ADGRL3: variants seen among roughly 807,000 people sequenced by gnomAD.
ADGRL3 encodes adhesion G protein-coupled receptor L3.
A neutral mutation model predicts 153.5 loss-of-function variants in ADGRL3; 62 were observed. The observed-to-expected ratio is 0.40, with a 90% CI of 0.33 to 0.50. ADGRL3 has a LOEUF of 0.50. Among genes scored for constraint, ADGRL3 ranks in the 20% least tolerant of loss-of-function variants. The probability of loss-of-function intolerance (pLI) is 0.47; values close to 1 mark genes in which losing one functional copy is unlikely to be tolerated. For missense variants in ADGRL3, 1,641 were observed against 1,859.4 expected, an observed-to-expected ratio of 0.88 and a Z score of 2.16; for synonymous variants, 710 against 672.5, an observed-to-expected ratio of 1.06 and a Z score of -0.86.
At chr4:61,297,870 A>T (rs1010861075) in intron 1 of ADGRL3, among the ~76,000 whole-genome samples, 5 of 152,110 alleles carry the variant, frequency 3.3e-5, no homozygotes, top group Non-Finnish European at 4.4e-5. Flanking sequence ...TGCCACTGCT[A>T]CTACTACTGA....
In ADGRL3 at chr4:61,480,258, C is replaced by T. The variant is rs916698112; in HGVS notation, c.-173-16863C>T. On this transcript the variant is annotated intron_variant, in intron 2 of 26. Coordinates refer to ENST00000683033, the MANE Select transcript of ADGRL3 (RefSeq NM_001387552.1). ...CTATAAGTTTGACTATTTTACATTC[C>T]AAATATAAGTGAGGTCATTCAATAT... Among the ~76,000 whole-genome samples, 2 of 152,088 alleles carry T rather than the reference C, an allele frequency of 1.3e-5. 1 individual carries two copies. The highest frequency in any genetic ancestry group is 2.9e-5 in the Non-Finnish European group (2 of 68,018).
At chr4:61,703,356 C>T (rs2095801506) in intron 6 of ADGRL3, among the ~76,000 whole-genome samples, 1 of 151,988 alleles carries the variant, frequency 6.6e-6, no homozygotes, top group Non-Finnish European at 1.5e-5. Context: ...TACAATCCTC[C>T]TGTGAAAGTG....
intron 4 of ADGRL3, among the ~76,000 whole-genome samples, chr4:61,567,498 G>A (rs141077557): frequency 2.6e-5 from 4 of 152,228 alleles, no homozygotes; most frequent in East Asian, 3.9e-4. Context: ...ACCACGTGAG[G>A]TCACAGCTAG....
intron 2 of ADGRL3, among the ~76,000 whole-genome samples, chr4:61,476,405 T>TTC (rs2098053867): frequency 6.6e-6 from 1 of 151,944 alleles, no homozygotes; most frequent in Admixed American, 6.5e-5. Context: ...TTTTGTAGTT[T>TTC]TAGAAAAGAC....
intron 5 of ADGRL3, among the ~76,000 whole-genome samples, chr4:61,676,482 G>A (rs577347723): frequency 3.3e-4 from 50 of 151,644 alleles, no homozygotes; most frequent in African/African-American, 1.2e-3. Context: ...TTGTACTGGA[G>A]TGAGTCTTTC....
chr4:61,820,189 GT>G (rs1205666264), intron 9 of ADGRL3, among the ~76,000 whole-genome samples: 2 of 152,276 alleles, frequency 1.3e-5, no homozygotes, highest in Non-Finnish European at 2.9e-5. Context: ...TGAATAAAAT[GT>G]TGTACTCTCT....
chr4:61,935,951 A>G lies in ADGRL3; in HGVS notation c.2325A>G (p.Glu775=), dbSNP rs1474764891. ...TGGAAGTTGCAAGACTGAGCACAGA[A>G]GGAAACTTAGAAGACCTAAAATTTC... ...IKLEVARLST[E]GNLEDLKFPE... is the part of the protein sequence containing the mutation. The change falls in exon 15 of 27, where the codon GAA becomes GAG. Residue 775 remains glutamate, a synonymous_variant. Transcript: ENST00000683033. 4.4e-6 allele frequency: 7 copies of G among 1,598,328 alleles called. 2 individuals are homozygous for G. The South Asian group carries it at 7.9e-5, about 18-fold the overall frequency.
At chr4:61,515,611 C>A (rs150207020) in intron 3 of ADGRL3, among the ~76,000 whole-genome samples, 4 of 152,100 alleles carry the variant, frequency 2.6e-5, no homozygotes, top group Non-Finnish European at 5.9e-5. Flanking sequence ...AAAATAAGCA[C>A]ATTCTCCCCC....
intron 4 of ADGRL3, among the ~76,000 whole-genome samples, chr4:61,569,386 T>A (rs1220998006): frequency 1.3e-5 from 2 of 152,142 alleles, no homozygotes; most frequent in Non-Finnish European, 2.9e-5. Context: ...AATATTTTAA[T>A]CATCCCAAAA....
chr4:61,383,571 TC>T, intron 2 of ADGRL3, among the ~76,000 whole-genome samples: 1 of 151,928 alleles, frequency 6.6e-6, no homozygotes, highest in East Asian at 1.9e-4. Flanking sequence ...TGAGTTTTTT[TC>T]AGTTGCTACA....
At chr4:62,015,450 G>T (rs1452952428) in intron 21 of ADGRL3, among the ~76,000 whole-genome samples, 1 of 152,028 alleles carries the variant, frequency 6.6e-6, no homozygotes, top group Non-Finnish European at 1.5e-5. Flanking sequence ...GCATAAAAAG[G>T]AACAATTTAT....
At chr4:61,608,297 G>C (rs1210765319) in intron 5 of ADGRL3, among the ~76,000 whole-genome samples, 2 of 152,192 alleles carry the variant, frequency 1.3e-5, no homozygotes, top group Non-Finnish European at 2.9e-5. Flanking sequence ...TAACAATGCT[G>C]TTAGTTCTTC....
intron 2 of ADGRL3, among the ~76,000 whole-genome samples, chr4:61,474,636 A>G (rs1217459313): frequency 1.3e-5 from 2 of 152,160 alleles, no homozygotes; most frequent in African/African-American, 4.8e-5. Context: ...AAAGACAAAT[A>G]TGAGAAATGT....
intron 1 of ADGRL3, among the ~76,000 whole-genome samples, chr4:61,322,558 C>T (rs1428614045): frequency 8.5e-5 from 13 of 152,224 alleles, no homozygotes; most frequent in Non-Finnish European, 2.9e-5. Context: ...GATAAATACA[C>T]CCATTCCAAA....
intron 5 of ADGRL3, among the ~76,000 whole-genome samples, chr4:61,641,519 G>A (rs200311739): frequency 6.9e-6 from 1 of 145,400 alleles, no homozygotes; most frequent in African/African-American, 2.6e-5. Flanking sequence ...TCCCACCTAT[G>A]AGTGAGAATA....
intron 4 of ADGRL3, among the ~76,000 whole-genome samples, chr4:61,557,484 G>T (rs896304105): frequency 6.6e-6 from 1 of 152,130 alleles, no homozygotes; most frequent in African/African-American, 2.4e-5. Flanking sequence ...AGCAGTAAAA[G>T]TCTATAACCC....
chr4:61,357,618 G>C (rs2096200737), intron 1 of ADGRL3, among the ~76,000 whole-genome samples: 2 of 152,036 alleles, frequency 1.3e-5, no homozygotes, highest in Admixed American at 6.5e-5. Context: ...TATATTGACT[G>C]TGGTTTGATT....
rs1033986892 is a variant in ADGRL3 at position 61,201,354 on chromosome 4, T to C, written c.-651T>C. 6.5e-5 allele frequency: 10 copies of C among 152,748 alleles called. No homozygotes were observed. Among genetic ancestry groups the C allele is most frequent in the African/African-American group, 2.4e-4 (10 of 41,446 alleles). 9.5% of individuals were successfully genotyped at this position (152,748 alleles called of 1,614,324 possible). ...AATAGCTGCCGCTGGGTCCCTCGGC[T>C]GCTGCTGGAGACAGAGCCTGACTCC... On this transcript the variant is annotated 5_prime_UTR_variant, in exon 1 of 27. Transcript: ENST00000683033.
chr4:61,921,737 A>T (rs538507198), intron 13 of ADGRL3, among the ~76,000 whole-genome samples: 65 of 152,134 alleles, frequency 4.3e-4, no homozygotes, highest in Non-Finnish European at 9.0e-4. Flanking sequence ...ACCAGAGAAG[A>T]CTATTTTTAC....
Sources: gnomAD v4.1 joint callset for allele counts (sites outside exome capture counted in the v4.1 genomes callset) on GRCh38, gnomAD v4.1.1 for gene constraint, MANE v1.5 for transcripts, NCBI Gene and HGNC (gene_info 2026-07-23, HGNC 2026-07-21) for gene names.